PACRG: variants seen among roughly 807,000 people sequenced by gnomAD.
The protein encoded by PACRG is parkin coregulated.
PACRG carries 29 observed loss-of-function variants against 29.7 expected under a neutral mutation model. The observed-to-expected ratio is 0.98, with a 90% confidence interval of 0.73 to 1.33. The LOEUF (loss-of-function observed/expected upper bound fraction) is 1.33, where lower values mean the gene tolerates loss of function less well. PACRG is among the 40% of genes most tolerant of loss of function. The pLI is 0.00. For missense variants in PACRG, 279 were observed against 316.2 expected (o/e 0.88, Z 0.89); for synonymous variants, 116 against 118.7 (o/e 0.98, Z 0.15).
intron 4 of PACRG, chr6:163,310,001 G>A (rs1785348720): frequency 1.3e-5 from 2 of 152,222 alleles, no homozygotes; most frequent in Admixed American, 6.5e-5. Flanking sequence ...GCAATCTAAA[G>A]GAAACATTTA....
intron 2 of PACRG, among the ~76,000 whole-genome samples, chr6:162,940,550 G>C (rs936890785): frequency 6.6e-6 from 1 of 152,096 alleles, no homozygotes; most frequent in Non-Finnish European, 1.5e-5. Flanking sequence ...TAAAGCAAAA[G>C]GAGTAAGTGG....
At chr6:163,014,090 A>G (rs956718430) in intron 2 of PACRG, among the ~76,000 whole-genome samples, 1 of 152,200 alleles carries the variant, frequency 6.6e-6, no homozygotes, top group Non-Finnish European at 1.5e-5. Flanking sequence ...ATTTTTAACA[A>G]GTGAGAATAT....
intron 4 of PACRG, among the ~76,000 whole-genome samples, chr6:163,169,518 C>T (rs1254318732): frequency 6.6e-6 from 1 of 152,146 alleles, no homozygotes; most frequent in Non-Finnish European, 1.5e-5. Flanking sequence ...TGGTACTGAC[C>T]AGGGATGGGG....
intron 2 of PACRG, among the ~76,000 whole-genome samples, chr6:163,025,441 A>C (rs1306667725): frequency 2.0e-5 from 3 of 152,224 alleles, no homozygotes; most frequent in Non-Finnish European, 4.4e-5. Flanking sequence ...ATACGCCAGC[A>C]ACACGCAGGC....
intron 4 of PACRG, among the ~76,000 whole-genome samples, chr6:163,127,682 G>C (rs77518616): frequency 0.073 from 11,130 of 152,254 alleles, 473 homozygotes; most frequent in Middle Eastern, 0.099. Flanking sequence ...TATGCTCTCT[G>C]TCATATATGA....
chr6:162,774,007 A>G (rs1474517714), intron 1 of PACRG, among the ~76,000 whole-genome samples: 1 of 152,206 alleles, frequency 6.6e-6, no homozygotes, highest in Non-Finnish European at 1.5e-5. Flanking sequence ...TCCATCTTTA[A>G]GTGCTCAATT....
intron 4 of PACRG, among the ~76,000 whole-genome samples, chr6:163,219,469 A>G (rs1220533599): frequency 6.6e-6 from 1 of 152,206 alleles, no homozygotes; most frequent in Non-Finnish European, 1.5e-5. Flanking sequence ...CTATTCTTAA[A>G]GCCTGAAAAT....
rs1012035798 is a variant in PACRG at position 162,882,199 on chromosome 6, G to A, written c.291+67918G>A. On this transcript the variant is annotated intron_variant, in intron 2 of 4. Coordinates refer to ENST00000366888, the MANE Select transcript of PACRG (RefSeq NM_001080379.2). ...GACCAGAGACTGGGGGTGGGGGGGC[G>A]CACTCTCCACCAAGACCAGAGACAG... is the stretch of plus-strand genomic sequence containing the variant. Among the ~76,000 whole-genome samples the A allele has an allele frequency of 3.8e-4, 53 of 140,268 alleles. 1 individual carries two copies. Among genetic ancestry groups the A allele is most frequent in the Non-Finnish European group, 5.5e-4 (36 of 64,906 alleles). 92.0% of individuals were successfully genotyped at this position (140,268 alleles called of 152,430 possible). A position where few individuals can be genotyped will look rare whatever the true frequency, so the allele number is the denominator to read the frequency against.
At chr6:163,263,920 C>T (rs954177414) in intron 4 of PACRG, among the ~76,000 whole-genome samples, 2 of 152,156 alleles carry the variant, frequency 1.3e-5, no homozygotes, top group Non-Finnish European at 2.9e-5. Context: ...TACTAACACA[C>T]CATTTTTGTG....
intron 2 of PACRG, among the ~76,000 whole-genome samples, chr6:162,868,669 C>CCGGCT (rs1430593534): frequency 1.3e-5 from 2 of 152,088 alleles, no homozygotes; most frequent in Non-Finnish European, 2.9e-5. Flanking sequence ...AGCCTCCTTT[C>CCGGCT]CGGCTCATCA....
At chr6:163,148,521 C>T (rs1777896730) in intron 4 of PACRG, among the ~76,000 whole-genome samples, 1 of 152,170 alleles carries the variant, frequency 6.6e-6, no homozygotes, top group African/African-American at 2.4e-5. Flanking sequence ...CCCTTGAGAA[C>T]ACACTGCTTT....
chr6:163,310,305 A>G (rs1785360227), intron 4 of PACRG: 1 of 152,244 alleles, frequency 6.6e-6, no homozygotes, highest in Non-Finnish European at 1.5e-5. Flanking sequence ...CGGGGGACAC[A>G]CAGCGCGTGG....
chr6:162,755,284 T>A (rs868413094), intron 1 of PACRG, among the ~76,000 whole-genome samples: 3 of 152,170 alleles, frequency 2.0e-5, no homozygotes, highest in Non-Finnish European at 4.4e-5. Flanking sequence ...TTCTAATTTG[T>A]TTATTATTTA....
intron 1 of PACRG, among the ~76,000 whole-genome samples, chr6:162,768,993 C>G (rs1016900958): frequency 6.6e-6 from 1 of 152,146 alleles, no homozygotes; most frequent in African/African-American, 2.4e-5. Flanking sequence ...CTTCCTGTGT[C>G]TTACAATTGC....
At position 163,108,392 on chromosome 6, in the gene PACRG, C is replaced by CTTT. The variant is rs528887997; in HGVS notation, c.613+19006_613+19008dup. Among the ~76,000 whole-genome samples, 285 of 90,508 alleles carry CTTT rather than the reference C, an allele frequency of 3.1e-3. 4 individuals are homozygous for CTTT. The highest frequency in any genetic ancestry group is 5.7e-3 in the African/African-American group (132 of 23,070). 59.4% of individuals were successfully genotyped at this position (90,508 alleles called of 152,430 possible). The stretch of plus-strand genomic sequence containing the variant: ...AGCCAATTATACCTCTTCTCTTTCC[C>CTTT]TTTTTTTTTTTTTTTTTTTTTTTTG... On this transcript the variant is annotated intron_variant, in intron 4 of 4. Transcript: ENST00000366888.
At chr6:163,241,947 G>C (rs998472612) in intron 4 of PACRG, among the ~76,000 whole-genome samples, 5 of 152,282 alleles carry the variant, frequency 3.3e-5, no homozygotes, top group Non-Finnish European at 5.9e-5. Context: ...AGTGAAGGGG[G>C]AGACGTGAGG....
At chr6:163,287,831 C>T (rs137988838) in intron 4 of PACRG, among the ~76,000 whole-genome samples, 189 of 152,256 alleles carry the variant, frequency 1.2e-3, no homozygotes, top group African/African-American at 4.2e-3. Flanking sequence ...CGGTGTGGCC[C>T]GACCGTGGCC....
At chr6:163,266,919 A>G (rs1472578173) in intron 4 of PACRG, among the ~76,000 whole-genome samples, 4 of 152,168 alleles carry the variant, frequency 2.6e-5, no homozygotes, top group African/African-American at 9.7e-5. Flanking sequence ...GCCCAAATGT[A>G]TAGTGAGCCC....
intron 3 of PACRG, among the ~76,000 whole-genome samples, chr6:163,080,190 G>A (rs553520902): frequency 2.6e-5 from 4 of 152,080 alleles, no homozygotes; most frequent in African/African-American, 9.7e-5. Flanking sequence ...GAGCCACTGT[G>A]CCCGGCCCTA....
Sources: gnomAD v4.1 joint callset for allele counts (sites outside exome capture counted in the v4.1 genomes callset) on GRCh38, gnomAD v4.1.1 for gene constraint, MANE v1.5 for transcripts, NCBI Gene and HGNC (gene_info 2026-07-23, HGNC 2026-07-21) for gene names.